TSC22D1: variants seen among roughly 807,000 people sequenced by gnomAD.
The protein encoded by TSC22D1 is TSC22 domain family member 1, also known as TSC22 domain family protein 1.
In TSC22D1, 9 loss-of-function variants were observed where a neutral mutation model predicts 74.2. The ratio of observed to expected loss-of-function variants is 0.12; its 90% CI spans 0.07 to 0.21. The LOEUF is 0.21. TSC22D1 is among the 10% of genes least tolerant of loss of function. The probability of loss-of-function intolerance (pLI) is 1.00; values close to 1 mark genes in which losing one functional copy is unlikely to be tolerated. For synonymous variants in TSC22D1, 586 were observed against 492.5 expected (o/e 1.19, Z -2.51); for missense variants, 1,427 against 1,304.7 (o/e 1.09, Z -1.44).
intron 1 of TSC22D1, among the ~76,000 whole-genome samples, chr13:44,503,503 A>G (rs1879307528): frequency 6.6e-6 from 1 of 152,190 alleles, no homozygotes; most frequent in South Asian, 2.1e-4. Flanking sequence ...AATACCTTCA[A>G]ATTTTCATAT....
At chr13:44,465,888 G>A (rs770424551) in intron 1 of TSC22D1, among the ~76,000 whole-genome samples, 3 of 152,114 alleles carry the variant, frequency 2.0e-5, no homozygotes, top group East Asian at 1.9e-4. Flanking sequence ...CAGGAGAATC[G>A]CTTGAACCCA....
At chr13:44,455,715 A>C (rs1053034823) in intron 1 of TSC22D1, among the ~76,000 whole-genome samples, 40 of 152,172 alleles carry the variant, frequency 2.6e-4, no homozygotes, top group African/African-American at 7.7e-4. Flanking sequence ...ATGAGAATTA[A>C]TCGCATAGGG....
intron 1 of TSC22D1, among the ~76,000 whole-genome samples, chr13:44,485,212 T>A (rs974303131): frequency 6.6e-6 from 1 of 152,020 alleles, no homozygotes; most frequent in African/African-American, 2.4e-5. Flanking sequence ...CTGCCCCCCA[T>A]CACCAAGAAC....
intron 1 of TSC22D1, among the ~76,000 whole-genome samples, chr13:44,534,639 T>C (rs550974398): frequency 6.6e-6 from 1 of 152,278 alleles, no homozygotes; most frequent in East Asian, 1.9e-4. Context: ...CACTTTCTCC[T>C]GTCAATTATT....
At chr13:44,491,069 G>A (rs1480434411) in intron 1 of TSC22D1, among the ~76,000 whole-genome samples, 5 of 151,560 alleles carry the variant, frequency 3.3e-5, no homozygotes, top group African/African-American at 1.2e-4. Context: ...GGGAGGCTGA[G>A]GCACGAAGAA....
chr13:44,491,527 C>T (rs1000918885), intron 1 of TSC22D1, among the ~76,000 whole-genome samples: 10 of 147,112 alleles, frequency 6.8e-5, no homozygotes, highest in African/African-American at 2.3e-4. Flanking sequence ...GCACTCCAGC[C>T]TGGGAGGCAA....
At chr13:44,525,259 T>C (rs747754745) in intron 1 of TSC22D1, among the ~76,000 whole-genome samples, 1 of 152,154 alleles carries the variant, frequency 6.6e-6, no homozygotes, top group Non-Finnish European at 1.5e-5. Flanking sequence ...ACAGAGCTCC[T>C]GTAAAACAGG....
chr13:44,568,742 G>A (rs1883546301), intron 1 of TSC22D1, among the ~76,000 whole-genome samples: 1 of 152,142 alleles, frequency 6.6e-6, no homozygotes, highest in Non-Finnish European at 1.5e-5. Flanking sequence ...AGGAAAGGTA[G>A]AGCCCAAAAC....
intron 1 of TSC22D1, among the ~76,000 whole-genome samples, chr13:44,520,697 G>A (rs1463274045): frequency 6.6e-6 from 1 of 152,132 alleles, no homozygotes; most frequent in Non-Finnish European, 1.5e-5. Flanking sequence ...CTGAAGGAAG[G>A]GGTGTTGAAC....
intron 1 of TSC22D1, among the ~76,000 whole-genome samples, chr13:44,526,267 G>A (rs534932420): frequency 1.4e-4 from 22 of 152,220 alleles, no homozygotes; most frequent in African/African-American, 5.3e-4. Context: ...AACATGCTAA[G>A]GGCTCTAGTG....
At chr13:44,438,302 T>C (rs559020992) in intron 1 of TSC22D1, among the ~76,000 whole-genome samples, 1 of 152,334 alleles carries the variant, frequency 6.6e-6, no homozygotes, top group East Asian at 1.9e-4. Context: ...AACATATATA[T>C]GTAATACACG....
rs1422969261 is a variant in TSC22D1, at chr13:44,492,640, T to TC, written c.2913-56546dup. ...TGTTTTAAAACGCAGAAATATAAGC[T>TC]CCCCCCTCCAAACAAAAAAAAATCA... On this transcript the variant is annotated intron_variant, in intron 1 of 2. Coordinates refer to ENST00000458659, the MANE Select transcript of TSC22D1 (RefSeq NM_183422.4). Among the ~76,000 whole-genome samples, 7 of 151,230 alleles carry TC rather than the reference T, an allele frequency of 4.6e-5. No homozygotes were observed. The South Asian group carries it at 8.4e-4, about 18-fold the overall frequency.
At position 44,433,790 on chromosome 13, in the gene TSC22D1, G is replaced by GT; in HGVS notation, c.*835dup. On this transcript the variant is annotated 3_prime_UTR_variant, in exon 3 of 3. Transcript: ENST00000458659. ...CTAGATTTCAGATTACACAAAGTGA[G>GT]TAACTGTGCCAAATTCTTAAAATTT... The GT allele has an allele frequency of 1.9e-6, 1 of 539,952 alleles. No homozygotes were observed. The highest frequency in any genetic ancestry group is 3.1e-6 in the Non-Finnish European group (1 of 318,848). The allele number at this position is 539,952 out of a possible 1,614,324, so 33.4% of individuals were successfully genotyped here. A position where few individuals can be genotyped will look rare whatever the true frequency, so the allele number is the denominator to read the frequency against.
At chr13:44,564,271 T>C (rs948784438) in intron 1 of TSC22D1, among the ~76,000 whole-genome samples, 38 of 152,186 alleles carry the variant, frequency 2.5e-4, no homozygotes, top group African/African-American at 8.2e-4. Context: ...GCTTTGAATA[T>C]ATGCAGCACA....
At chr13:44,509,931 T>C (rs1879611431) in intron 1 of TSC22D1, among the ~76,000 whole-genome samples, 1 of 118,292 alleles carries the variant, frequency 8.5e-6, no homozygotes, top group African/African-American at 3.4e-5. Context: ...TATTTTCACC[T>C]GTCAAACTAG....
At chr13:44,568,145 T>C (rs189905126) in intron 1 of TSC22D1, among the ~76,000 whole-genome samples, 2 of 152,024 alleles carry the variant, frequency 1.3e-5, no homozygotes, top group African/African-American at 4.8e-5. Flanking sequence ...AGTGTCAGAG[T>C]AAACTAAAGC....
chr13:44,460,881 C>T (rs575189230), intron 1 of TSC22D1, among the ~76,000 whole-genome samples: 17 of 152,240 alleles, frequency 1.1e-4, no homozygotes, highest in African/African-American at 3.9e-4. Context: ...TTCTAAAAAG[C>T]TTTCAAACCA....
chr13:44,561,992 G>A (rs1883071912), intron 1 of TSC22D1, among the ~76,000 whole-genome samples: 1 of 152,034 alleles, frequency 6.6e-6, no homozygotes, highest in South Asian at 2.1e-4. Flanking sequence ...AGATACCTAA[G>A]AGATTTTATA....
intron 1 of TSC22D1, chr13:44,436,506 A>G (rs751163622): frequency 6.2e-7 from 1 of 1,613,456 alleles, no homozygotes; most frequent in Non-Finnish European, 8.5e-7. Flanking sequence ...ACATTTACCT[A>G]TTATCAAGTC....
Sources: allele counts gnomAD v4.1 joint callset (sites outside exome capture counted in the v4.1 genomes callset), GRCh38; gene constraint gnomAD v4.1.1; transcripts MANE v1.5; gene names NCBI Gene and HGNC (gene_info 2026-07-23, HGNC 2026-07-21).